Variants in SKI observed in about 807,000 individuals in gnomAD.
The protein encoded by SKI is SKI proto-oncogene, also known as ski oncogene.
Under a neutral mutation model 59.3 loss-of-function variants are expected in SKI, and 23 were observed. That is an observed-to-expected ratio of 0.39 (90% CI 0.28 to 0.55). SKI has a LOEUF of 0.55. Among genes scored for constraint, SKI ranks in the 20% least tolerant of loss-of-function variants. SKI has a pLI of 0.67. For synonymous variants in SKI, 673 were observed against 488.6 expected (o/e 1.38, Z -4.98); for missense variants, 1,017 against 1,038.9 (o/e 0.98, Z 0.29).
intron 1 of SKI, among the ~76,000 whole-genome samples, chr1:2,295,235 T>C (rs566715985): frequency 1.5e-4 from 23 of 152,314 alleles, no homozygotes; most frequent in African/African-American, 4.8e-4. Flanking sequence ...CCCCTGCATG[T>C]CATGGCAGCA....
rs1371411288 is a variant in SKI at position 2,306,835 on chromosome 1, C to T, written c.*70C>T. On this transcript the variant is annotated 3_prime_UTR_variant, in exon 7 of 7. Coordinates refer to ENST00000378536, the MANE Select transcript of SKI (RefSeq NM_003036.4). ...GGGGGCGCGGCTGGGCGGTGCAGCTCCGCCCGGCTCCGCCCCTGCAGCCCA... is the reference window on the plus strand; with the variant it reads ...GGGGGCGCGGCTGGGCGGTGCAGCTTCGCCCGGCTCCGCCCCTGCAGCCCA... The T allele has an allele frequency of 9.6e-7, 1 of 1,042,974 alleles. No individual in the cohort carries two copies. The highest frequency in any genetic ancestry group is 1.7e-5 in the African/African-American group (1 of 57,606). The allele number at this position is 1,042,974 out of a possible 1,614,324, so 64.6% of individuals were successfully genotyped here.
At chr1:2,242,850 A>G (rs1638909819) in intron 1 of SKI, among the ~76,000 whole-genome samples, 1 of 152,118 alleles carries the variant, frequency 6.6e-6, no homozygotes, top group Non-Finnish European at 1.5e-5. Context: ...ATGTGCACTA[A>G]GGTCTGCCTT....
intron 1 of SKI, among the ~76,000 whole-genome samples, chr1:2,231,557 A>G (rs113227806): frequency 1.3e-5 from 2 of 152,214 alleles, no homozygotes; most frequent in African/African-American, 4.8e-5. Context: ...CAGGCCAGAC[A>G]GGCTCTGGTC....
rs910115410 is a variant in SKI at position 2,269,429 on chromosome 1, C to T, written c.970-33549C>T. ...CAGCGTCACTAGTAGGCCAAGCGGA[C>T]ACTGCGGGACACGTTCCCCAACGTG... On this transcript the variant is annotated intron_variant, in intron 1 of 6. Coordinates refer to ENST00000378536, the MANE Select transcript of SKI (RefSeq NM_003036.4). The surrounding 1 kb of genome is among the most constrained non-coding windows in gnomAD (Gnocchi z 4.7). Among the ~76,000 whole-genome samples the T allele has an allele frequency of 6.6e-6, 1 of 152,254 alleles. No homozygotes were observed. Among genetic ancestry groups the T allele is most frequent in the African/African-American group, 2.4e-5 (1 of 41,460 alleles).
At chr1:2,250,893 G>T (rs1338920134) in intron 1 of SKI, among the ~76,000 whole-genome samples, 5 of 152,264 alleles carry the variant, frequency 3.3e-5, no homozygotes, top group Admixed American at 1.3e-4. Flanking sequence ...GCCCCGGGGG[G>T]CCGGTGCCCT....
rs1639526273 is a variant in SKI at position 2,267,554 on chromosome 1, C to T, written c.970-35424C>T. ...TGGATGGCTTTGGGATTGGGCCAGG[C>T]CTGAGGGCACTGAGGGAGTGGGGCA... On this transcript the variant is annotated intron_variant, in intron 1 of 6. Coordinates refer to ENST00000378536, the MANE Select transcript of SKI (RefSeq NM_003036.4). This position sits in a 1 kb window ranked among gnomAD's most constrained non-coding sequence, Gnocchi z 4.1. Among the ~76,000 whole-genome samples the T allele has an allele frequency of 6.6e-6, 1 of 152,206 alleles. No homozygotes were observed. The highest frequency in any genetic ancestry group is 1.5e-5 in the Non-Finnish European group (1 of 68,038).
intron 1 of SKI, among the ~76,000 whole-genome samples, chr1:2,266,898 A>G (rs954802406): frequency 6.6e-6 from 1 of 152,138 alleles, no homozygotes; most frequent in Non-Finnish European, 1.5e-5. Flanking sequence ...AAGTAACTGG[A>G]AATGTTGAGA....
Position 2,303,693 on chromosome 1 carries a change from T to A in SKI, c.1212-147T>A. ...CCAGCAAGCAGAAAACGCTTACGGGTTCTTAGGGAACTGTAAGCTTGACTT... is the reference window on the plus strand; with the variant it reads ...CCAGCAAGCAGAAAACGCTTACGGGATCTTAGGGAACTGTAAGCTTGACTT... On this transcript the variant is annotated intron_variant, in intron 3 of 6. Coordinates refer to ENST00000378536, the MANE Select transcript of SKI (RefSeq NM_003036.4). The surrounding 1 kb of genome is among the most constrained non-coding windows in gnomAD (Gnocchi z 5.6). 1 of 1,145,732 alleles carries A rather than the reference T, an allele frequency of 8.7e-7. No individual in the cohort carries two copies. The highest frequency in any genetic ancestry group is 2.1e-5 in the Admixed American group (1 of 47,264). The allele number at this position is 1,145,732 out of a possible 1,614,324, so 71.0% of individuals were successfully genotyped here.
At chr1:2,276,657 G>T (rs1247860128) in intron 1 of SKI, among the ~76,000 whole-genome samples, 2 of 152,258 alleles carry the variant, frequency 1.3e-5, no homozygotes, top group East Asian at 3.8e-4. Flanking sequence ...GCTGGGGACA[G>T]CGCTAGGCCT....
rs552065460 is a variant in SKI, at chr1:2,303,819, G to A, written c.1212-21G>A. ...TGCTTGGGGACAGAGGCACCTTCCC[G>A]ACACCCGCCTGCCCCTCCAGCTTCT... On this transcript the variant is annotated intron_variant, in intron 3 of 6. Transcript: ENST00000378536. The surrounding 1 kb of genome is among the most constrained non-coding windows in gnomAD (Gnocchi z 5.6). The A allele has an allele frequency of 5.6e-6, 9 of 1,611,058 alleles. No homozygotes were observed. Among genetic ancestry groups the A allele is most frequent in the East Asian group, 2.2e-5 (1 of 44,820 alleles).
Position 2,308,084 on chromosome 1 carries a change from T to A in SKI, c.*1319T>A, listed in dbSNP as rs760367872. 7.2e-5 allele frequency: 11 copies of A among 152,360 alleles called. No individual in the cohort carries two copies. Among genetic ancestry groups the A allele is most frequent in the Non-Finnish European group, 1.3e-4 (9 of 68,040 alleles). 9.4% of individuals were successfully genotyped at this position (152,360 alleles called of 1,614,324 possible). The stretch of plus-strand genomic sequence containing the variant: ...TATGCAAATTGTATAAGGTTTCTTA[T>A]GCCCAAGCTTGAAAAATGATTTCCC... On this transcript the variant is annotated 3_prime_UTR_variant, in exon 7 of 7. Transcript: ENST00000378536.
In SKI at chr1:2,228,850, C is replaced by T. The variant is rs1427151111; in HGVS notation, c.84C>T (p.Ser28=). 6.3e-6 allele frequency: 9 copies of T among 1,426,344 alleles called. No homozygotes were observed. The highest frequency in any genetic ancestry group is 5.2e-5 in the South Asian group (4 of 76,922). 88.4% of individuals were successfully genotyped at this position (1,426,344 alleles called of 1,614,324 possible). Residue 28 remains serine, a synonymous_variant, in exon 1 of 7, where the codon TCC becomes TCT. Coordinates refer to ENST00000378536, the MANE Select transcript of SKI (RefSeq NM_003036.4). The part of the protein sequence containing the change: ...QKTLEQFHLS[S]MSSLGGPAAF... Reference sequence around the variant, plus strand: ...CGCTGGAGCAGTTCCACCTGAGCTCCATGAGCTCGCTGGGCGGCCCGGCCG... The same window carrying T: ...CGCTGGAGCAGTTCCACCTGAGCTCTATGAGCTCGCTGGGCGGCCCGGCCG...
At chr1:2,291,783 C>G (rs926856245) in intron 1 of SKI, among the ~76,000 whole-genome samples, 1 of 152,206 alleles carries the variant, frequency 6.6e-6, no homozygotes, top group African/African-American at 2.4e-5. Context: ...TACTCAGTTT[C>G]CTTAGAAAGA....
chr1:2,306,185 C>T lies in SKI; in HGVS notation c.1933C>T (p.Arg645Trp). 8 of 1,585,968 alleles carry T rather than the reference C, an allele frequency of 5.0e-6. No individual in the cohort carries two copies. Among genetic ancestry groups the T allele is most frequent in the Non-Finnish European group, 6.9e-6 (8 of 1,167,146 alleles). Residue 645 changes from arginine (R) to tryptophan (W), a missense_variant, in exon 6 of 7, where the codon CGG becomes TGG. Transcript: ENST00000378536. ...CCTGAAGCGGGAGCTGGAGCAGGCG[C>T]GGCAGGCCCGGGTGTGCGACAAGGG... ...LRLKRELEQA[R>W]QARVCDKGCE...
At chr1:2,290,836 T>TA (rs1640146982) in intron 1 of SKI, among the ~76,000 whole-genome samples, 5 of 152,226 alleles carry the variant, frequency 3.3e-5, no homozygotes. Context: ...ACACTCTTAA[T>TA]TGAGTCCGAT....
Position 2,303,432 on chromosome 1 carries a change from T to A in SKI, c.1211+32T>A. The A allele has an allele frequency of 6.3e-7, 1 of 1,577,632 alleles. No individual in the cohort carries two copies. The highest frequency in any genetic ancestry group is 8.7e-7 in the Non-Finnish European group (1 of 1,150,484). On this transcript the variant is annotated intron_variant, in intron 3 of 6. Transcript: ENST00000378536. This position sits in a 1 kb window ranked among gnomAD's most constrained non-coding sequence, Gnocchi z 5.6. ...GGGCGCCATTCACAGGTGTTTCTGA[T>A]CACGGGGGAGGCTCCACGAGGGCTG... is the stretch of plus-strand genomic sequence containing the variant.
In SKI at chr1:2,306,775, C is replaced by A; in HGVS notation, c.*10C>A. The A allele has an allele frequency of 6.7e-7, 1 of 1,498,092 alleles. No individual in the cohort carries two copies. Among genetic ancestry groups the A allele is most frequent in the Non-Finnish European group, 8.9e-7 (1 of 1,127,860 alleles). 92.8% of individuals were successfully genotyped at this position (1,498,092 alleles called of 1,614,324 possible). On this transcript the variant is annotated 3_prime_UTR_variant, in exon 7 of 7. Coordinates refer to ENST00000378536, the MANE Select transcript of SKI (RefSeq NM_003036.4). ...GGAGCTGGAGCCGTAGATTCCGTGC[C>A]TGCCGCCGCAGCGCCGCCGACAACG...
intron 1 of SKI, among the ~76,000 whole-genome samples, chr1:2,255,462 A>G (rs1333490120): frequency 1.3e-5 from 2 of 149,822 alleles, no homozygotes; most frequent in Non-Finnish European, 1.5e-5. Context: ...TCCTGACCTC[A>G]TTTCCTGTCT....
chr1:2,293,789 C>G (rs1299592797), intron 1 of SKI, among the ~76,000 whole-genome samples: 6 of 152,204 alleles, frequency 3.9e-5, no homozygotes, highest in Admixed American at 3.3e-4. Context: ...TCCCAGCCCC[C>G]GTTTCCCCGC....
Sources: allele counts gnomAD v4.1 joint callset (sites outside exome capture counted in the v4.1 genomes callset), GRCh38; gene constraint gnomAD v4.1.1; non-coding constraint Gnocchi (gnomAD v3.1); transcripts MANE v1.5; gene names NCBI Gene and HGNC (gene_info 2026-07-23, HGNC 2026-07-21).